MYT1L: variants seen among roughly 807,000 people sequenced by gnomAD.
MYT1L encodes the protein myelin transcription factor 1 like, also known as myelin transcription factor 1-like protein.
A neutral mutation model predicts 126.7 loss-of-function variants in MYT1L; 12 were observed. That is an observed-to-expected ratio of 0.09 (90% CI 0.06 to 0.15). The LOEUF (loss-of-function observed/expected upper bound fraction) is 0.15, where lower values mean the gene tolerates loss of function less well. Ranked by LOEUF, MYT1L falls within the 10% of genes least tolerant of loss-of-function variation. The pLI is 1.00. For missense variants in MYT1L, 979 were observed against 1,585.2 expected (o/e 0.62, Z 6.49); for synonymous variants, 541 against 604.2 (o/e 0.90, Z 1.53).
intron 2 of MYT1L, among the ~76,000 whole-genome samples, chr2:2,271,211 C>T (rs1288058027): frequency 1.3e-5 from 2 of 152,188 alleles, no homozygotes; most frequent in African/African-American, 2.4e-5. Flanking sequence ...GTGCCAACAA[C>T]ATGGATTTTT....
chr2:2,079,065 C>A (rs1428887350), intron 3 of MYT1L, among the ~76,000 whole-genome samples: 1 of 152,158 alleles, frequency 6.6e-6, no homozygotes, highest in Admixed American at 6.5e-5. Flanking sequence ...GAGCCTTCAC[C>A]ACACACCCAA....
intron 2 of MYT1L, among the ~76,000 whole-genome samples, chr2:2,273,962 C>A (rs995040492): frequency 6.6e-6 from 1 of 151,998 alleles, no homozygotes; most frequent in Non-Finnish European, 1.5e-5. Context: ...CCTTACAGAA[C>A]ACTAATGAAA....
chr2:2,063,014 G>A (rs2070736824), intron 3 of MYT1L, among the ~76,000 whole-genome samples: 1 of 152,118 alleles, frequency 6.6e-6, no homozygotes, highest in Non-Finnish European at 1.5e-5. Context: ...GGTCCTGCGG[G>A]AGCTGGACAG....
chr2:1,979,292 G>C lies in MYT1L; in HGVS notation c.90-65C>G. 2 of 1,446,200 alleles carry C rather than the reference G, an allele frequency of 1.4e-6. No individual in the cohort carries two copies. Among genetic ancestry groups the C allele is most frequent in the Non-Finnish European group, 1.9e-6 (2 of 1,034,054 alleles). 89.6% of individuals were successfully genotyped at this position (1,446,200 alleles called of 1,614,324 possible). A position where few individuals can be genotyped will look rare whatever the true frequency, so the allele number is the denominator to read the frequency against. ...GGCAGGTGAGACGGAAAGCTTCCGT[G>C]GCAGCAGAGAGAAGGAGGGCGGCTC... On this transcript the variant is annotated intron_variant, in intron 7 of 24. Coordinates refer to ENST00000647738, the MANE Select transcript of MYT1L (RefSeq NM_001303052.2). The surrounding 1 kb of genome is among the most constrained non-coding windows in gnomAD (Gnocchi z 4.0).
At chr2:1,864,954 T>C (rs1343893497) in intron 18 of MYT1L, among the ~76,000 whole-genome samples, 1 of 152,162 alleles carries the variant, frequency 6.6e-6, no homozygotes, top group African/African-American at 2.4e-5. Flanking sequence ...TTGTGCCCGA[T>C]TGCTGAGCTT....
intron 21 of MYT1L, among the ~76,000 whole-genome samples, chr2:1,828,949 T>G (rs1446308078): frequency 6.6e-6 from 1 of 152,218 alleles, no homozygotes; most frequent in Non-Finnish European, 1.5e-5. Context: ...GTTTGGAGAC[T>G]CTTCTTAAAT....
At position 1,793,662 on chromosome 2, in the gene MYT1L, G is replaced by C. The variant is rs2032735128; in HGVS notation, c.3277-1198C>G. ...CAGAGGCGCCCTCCAGGATGAAGTG[G>C]GGAGGGCCGGCCTTCTCCTTGGAAG... On this transcript the variant is annotated intron_variant, in intron 23 of 24. Transcript: ENST00000647738. This position sits in a 1 kb window ranked among gnomAD's most constrained non-coding sequence, Gnocchi z 4.6. Among the ~76,000 whole-genome samples, 1 of 152,180 alleles carries C rather than the reference G, an allele frequency of 6.6e-6. No individual in the cohort carries two copies. The highest frequency in any genetic ancestry group is 2.1e-4 in the South Asian group (1 of 4,828).
chr2:2,115,445 G>A (rs555042446), intron 3 of MYT1L, among the ~76,000 whole-genome samples: 96 of 152,322 alleles, frequency 6.3e-4, no homozygotes, highest in Non-Finnish European at 8.7e-4. Context: ...AAATCCATGA[G>A]ACAGTGACAG....
intron 1 of MYT1L, among the ~76,000 whole-genome samples, chr2:2,313,256 A>G (rs2096005032): frequency 7.1e-6 from 1 of 141,122 alleles, no homozygotes; most frequent in African/African-American, 2.6e-5. Flanking sequence ...TGAAGATCTC[A>G]GCTGATAAAA....
chr2:2,316,892 T>C (rs2096073816), intron 1 of MYT1L, among the ~76,000 whole-genome samples: 1 of 151,724 alleles, frequency 6.6e-6, no homozygotes, highest in South Asian at 2.1e-4. Context: ...CTTACTACAA[T>C]CTCCGCCTCC....
rs1449240274 is a variant in MYT1L at position 2,171,396 on chromosome 2, T to C, written c.-304+1476A>G. Among the ~76,000 whole-genome samples the C allele has an allele frequency of 2.6e-5, 4 of 152,194 alleles. 1 individual carries two copies. The highest frequency in any genetic ancestry group is 2.1e-4 in the South Asian group (1 of 4,824). Reference sequence around the variant, plus strand: ...CCTTATTTAAATGTGAACATCTAACTCAATGCCAGAATGCCAGTTCAACAA... The same window carrying C: ...CCTTATTTAAATGTGAACATCTAACCCAATGCCAGAATGCCAGTTCAACAA... On this transcript the variant is annotated intron_variant, in intron 3 of 24. Coordinates refer to ENST00000647738, the MANE Select transcript of MYT1L (RefSeq NM_001303052.2).
intron 8 of MYT1L, among the ~76,000 whole-genome samples, chr2:1,956,554 A>ATCATCTG (rs1558533547): frequency 2.9e-5 from 4 of 138,936 alleles, no homozygotes; most frequent in Admixed American, 1.4e-4. Flanking sequence ...TCTATCATCT[A>ATCATCTG]TCCTATTCTA....
intron 2 of MYT1L, among the ~76,000 whole-genome samples, chr2:2,222,902 A>G (rs2093915859): frequency 6.6e-6 from 1 of 152,260 alleles, no homozygotes; most frequent in African/African-American, 2.4e-5. Context: ...ATTATAAAAT[A>G]TGCATCAGTA....
At chr2:1,913,938 C>T (rs2052433953) in intron 11 of MYT1L, among the ~76,000 whole-genome samples, 1 of 152,116 alleles carries the variant, frequency 6.6e-6, no homozygotes, top group Admixed American at 6.5e-5. Context: ...ACATCTGTCT[C>T]TCGGCGTCAA....
chr2:2,003,688 C>T (rs991406380), intron 4 of MYT1L, among the ~76,000 whole-genome samples: 4 of 152,162 alleles, frequency 2.6e-5, no homozygotes, highest in Non-Finnish European at 5.9e-5. Flanking sequence ...GGTAAGACAG[C>T]ACCCTGGTGT....
chr2:2,004,515 ATTATTTCCTGCATACG>A (rs2062924142), intron 4 of MYT1L, among the ~76,000 whole-genome samples: 1 of 91,670 alleles, frequency 1.1e-5, no homozygotes, highest in African/African-American at 4.3e-5. Flanking sequence ...TCCTGCAGGC[ATTATTTCCTGCATACG>A]TTCTTTCCTG....
intron 2 of MYT1L, among the ~76,000 whole-genome samples, chr2:2,281,983 A>G (rs954050957): frequency 1.3e-5 from 2 of 152,240 alleles, no homozygotes; most frequent in Non-Finnish European, 2.9e-5. Flanking sequence ...AGTATAACGA[A>G]CACAATCCTA....
Position 1,889,371 on chromosome 2 carries a change from G to C in MYT1L, c.2390C>G (p.Ser797Cys), listed in dbSNP as rs750013534. 2 of 1,613,924 alleles carry C rather than the reference G, an allele frequency of 1.2e-6. No homozygotes were observed. The highest frequency in any genetic ancestry group is 1.7e-6 in the Non-Finnish European group (2 of 1,179,878). Residue 797 changes from serine (S) to cysteine (C), a missense_variant, in exon 16 of 25, where the codon TCC becomes TGC. Around this residue, in one of 12 missense-constraint regions of MYT1L, gnomAD observed 141 missense variants for 170.6 expected, o/e 0.83. Transcript: ENST00000647738. The surrounding 1 kb of genome is among the most constrained non-coding windows in gnomAD (Gnocchi z 4.1). ...GTTCATCACTGCCTGCTGCTGGGGG[G>C]ACATGGGCTCCAGAGGGGTCAGGAT... is the stretch of plus-strand genomic sequence containing the variant. ...CPILTPLEPM[S>C]PQQQAVMNNR...
intron 3 of MYT1L, among the ~76,000 whole-genome samples, chr2:2,142,015 G>A (rs1272777224): frequency 6.6e-6 from 1 of 152,124 alleles, no homozygotes; most frequent in East Asian, 1.9e-4. Context: ...TTTCTTTTTA[G>A]TCAATATAAG....
Sources: allele counts gnomAD v4.1 joint callset (sites outside exome capture counted in the v4.1 genomes callset), GRCh38; gene constraint gnomAD v4.1.1; regional missense constraint gnomAD v4.1.1; non-coding constraint Gnocchi (gnomAD v3.1); transcripts MANE v1.5; gene names NCBI Gene and HGNC (gene_info 2026-07-23, HGNC 2026-07-21).